The following ULK4 variants were observed in gnomAD, a reference collection of about 807,000 sequenced individuals.
The protein encoded by ULK4 is unc-51 like kinase 4.
Under a neutral mutation model 160.6 loss-of-function variants are expected in ULK4, and 133 were observed. The ratio of observed to expected loss-of-function variants is 0.83; its 90% CI spans 0.72 to 0.96. The LOEUF is 0.96. Among genes scored for constraint, ULK4 ranks in the 40% least tolerant of loss-of-function variants. ULK4 has a pLI of 0.00. For missense variants in ULK4, 1,580 were observed against 1,499.5 expected, an observed-to-expected ratio of 1.05 and a Z score of -0.89; for synonymous variants, 534 against 539.8, an observed-to-expected ratio of 0.99 and a Z score of 0.15.
At chr3:41,771,268 C>G (rs1430996258) in intron 21 of ULK4, among the ~76,000 whole-genome samples, 1 of 152,078 alleles carries the variant, frequency 6.6e-6, no homozygotes, top group African/African-American at 2.4e-5. Context: ...TAATCCAAAC[C>G]ATTTTCAATG....
chr3:41,583,877 T>C (rs1430872804), intron 31 of ULK4, among the ~76,000 whole-genome samples: 1 of 152,184 alleles, frequency 6.6e-6, no homozygotes, highest in African/African-American at 2.4e-5. Context: ...AAATGTGGGA[T>C]GGAGCAGAGG....
chr3:41,618,159 G>A (rs1167795141), intron 30 of ULK4, among the ~76,000 whole-genome samples: 1 of 152,216 alleles, frequency 6.6e-6, no homozygotes. Context: ...TGGTATACCT[G>A]AAAGTGATAG....
chr3:41,941,435 T>C (rs1222428250), intron 2 of ULK4, among the ~76,000 whole-genome samples: 2 of 151,160 alleles, frequency 1.3e-5, no homozygotes, highest in Non-Finnish European at 2.9e-5. Flanking sequence ...AGCTCCCCAT[T>C]TTAAAAATGA....
chr3:41,398,452 C>T (rs1247822681), intron 34 of ULK4, among the ~76,000 whole-genome samples, 188 bp from the exon 35 acceptor site: 1 of 150,790 alleles, frequency 6.6e-6, no homozygotes, highest in Non-Finnish European at 1.5e-5. Context: ...GGTATGATCA[C>T]AACTCACTGC....
intron 35 of ULK4, among the ~76,000 whole-genome samples, chr3:41,341,682 C>G (rs548978485): frequency 5.3e-5 from 8 of 152,246 alleles, no homozygotes; most frequent in African/African-American, 1.9e-4. Context: ...AGCCTGCAAT[C>G]AAGAAACCAG....
In ULK4 at chr3:41,705,269, T is replaced by A. The variant is rs1168792848; in HGVS notation, c.2671A>T (p.Ile891Leu). The change falls in exon 26 of 37, where the codon ATA (isoleucine) becomes TTA (leucine). Residue 891 changes from isoleucine (I) to leucine (L), a missense_variant. Coordinates refer to ENST00000301831, the MANE Select transcript of ULK4 (RefSeq NM_017886.4). ...GTCTACTCACCTATGGCTCCATCTATGTTCGTTTCTCCTGAGTCTACAGAT... is the reference window on the plus strand; with the variant it reads ...GTCTACTCACCTATGGCTCCATCTAAGTTCGTTTCTCCTGAGTCTACAGAT... ...IKSVDSGETN[I>L]DGAIGLTASE... The A allele has an allele frequency of 1.2e-6, 2 of 1,613,472 alleles. No individual in the cohort carries two copies. The highest frequency in any genetic ancestry group is 4.5e-5 in the East Asian group (2 of 44,844).
intron 34 of ULK4, among the ~76,000 whole-genome samples, chr3:41,424,831 CAAAAA>C (rs36097613): frequency 6.4e-5 from 4 of 62,398 alleles, no homozygotes; most frequent in African/African-American, 2.6e-4. Context: ...AAGAAATCAT[CAAAAA>C]AAAAAAAAAA....
intron 5 of ULK4, among the ~76,000 whole-genome samples, chr3:41,923,221 G>A (rs1699257803): frequency 6.6e-6 from 1 of 151,474 alleles, no homozygotes; most frequent in South Asian, 2.1e-4. Context: ...GAACCAGGCT[G>A]GGCACAGTGG....
intron 32 of ULK4, among the ~76,000 whole-genome samples, chr3:41,533,855 C>A (rs1262377220): frequency 6.6e-6 from 1 of 152,110 alleles, no homozygotes; most frequent in Non-Finnish European, 1.5e-5. Context: ...TCGCCCAGGC[C>A]GGACTGCAGT....
At chr3:41,766,458 T>C (rs983319626) in intron 21 of ULK4, among the ~76,000 whole-genome samples, 1 of 152,238 alleles carries the variant, frequency 6.6e-6, no homozygotes, top group Non-Finnish European at 1.5e-5. Context: ...CAAAACATTT[T>C]TGATACCTTC....
At chr3:41,273,362 G>A (rs1335708039) in intron 35 of ULK4, among the ~76,000 whole-genome samples, 2 of 152,148 alleles carry the variant, frequency 1.3e-5, no homozygotes, top group East Asian at 1.9e-4. Context: ...TTTGCCTGGT[G>A]GGAATGGGCA....
chr3:41,309,101 CTG>C lies in ULK4; in HGVS notation c.3679-59529_3679-59528del, dbSNP rs201764075. On this transcript the variant is annotated intron_variant, in intron 35 of 36. Transcript: ENST00000301831. ...AAGTATGAAAGTTGAAAGCTTGTAA[CTG>C]TAAAACATGAAAGTTATTGATTAAT... Among the ~76,000 whole-genome samples, 621 of 152,154 alleles carry C rather than the reference CTG, an allele frequency of 4.1e-3. 3 individuals are homozygous for C. The highest frequency in any genetic ancestry group is 0.014 in the African/African-American group (601 of 41,514).
At chr3:41,516,139 T>A (rs1170803836) in intron 32 of ULK4, among the ~76,000 whole-genome samples, 2 of 152,170 alleles carry the variant, frequency 1.3e-5, no homozygotes, top group East Asian at 3.9e-4. Flanking sequence ...ATTTTCTAAG[T>A]GAAACTCAAT....
At chr3:41,687,243 C>T (rs970724333) in intron 27 of ULK4, among the ~76,000 whole-genome samples, 4 of 151,940 alleles carry the variant, frequency 2.6e-5, no homozygotes, top group Non-Finnish European at 5.9e-5. Flanking sequence ...TATGGTGGCG[C>T]ACGCCTGTAG....
chr3:41,639,952 T>C (rs1194321528), intron 30 of ULK4, among the ~76,000 whole-genome samples: 1 of 152,206 alleles, frequency 6.6e-6, no homozygotes, highest in Non-Finnish European at 1.5e-5. Flanking sequence ...TGTATTATGG[T>C]AAATGACAAA....
chr3:41,516,555 T>C lies in ULK4; in HGVS notation c.3226+49470A>G, dbSNP rs111976628. Among the ~76,000 whole-genome samples, 366 of 152,202 alleles carry C rather than the reference T, an allele frequency of 2.4e-3. 4 individuals carry two copies. Among genetic ancestry groups the C allele is most frequent in the African/African-American group, 8.3e-3 (344 of 41,536 alleles). On this transcript the variant is annotated intron_variant, in intron 32 of 36. Transcript: ENST00000301831. ...ACAACATGGATGGAACTGAAGGTCA[T>C]TGGGTTAAGTGAAATAAGCCAGGCA...
chr3:41,704,965 T>C (rs1240476628), intron 27 of ULK4, 92 bp downstream of exon 27: 2 of 944,528 alleles, frequency 2.1e-6, no homozygotes, highest in South Asian at 1.8e-5. Context: ...GAGGAACACA[T>C]ATGAGCCAAG....
At position 41,497,375 on chromosome 3, in the gene ULK4, T is replaced by A. The variant is rs373407271; in HGVS notation, c.3227-34122A>T. On this transcript the variant is annotated intron_variant, in intron 32 of 36. Transcript: ENST00000301831. ...TTTTAAAAACAGAGATTCAATCTGC[T>A]GAACTACACCAAATAGACTAATGTA... 6.6e-5 allele frequency among the ~76,000 whole-genome samples: 10 copies of A among 152,132 alleles called. No homozygotes were observed. In the East Asian group the frequency reaches 1.4e-3, roughly 21 times the overall value.
At chr3:41,352,797 C>A (rs143846537) in intron 35 of ULK4, among the ~76,000 whole-genome samples, 33 of 152,306 alleles carry the variant, frequency 2.2e-4, no homozygotes, top group African/African-American at 7.9e-4. Flanking sequence ...GCGTGGCTTG[C>A]AGGAAGGCAG....
Sources: allele counts gnomAD v4.1 joint callset (sites outside exome capture counted in the v4.1 genomes callset), GRCh38; gene constraint gnomAD v4.1.1; transcripts MANE v1.5; gene names NCBI Gene and HGNC (gene_info 2026-07-23, HGNC 2026-07-21).